Variants in TMEM135 observed in about 807,000 individuals in gnomAD.
TMEM135 encodes the protein peroxisomal membrane protein 52.
Under a neutral mutation model 60.3 loss-of-function variants are expected in TMEM135, and 30 were observed. The ratio of observed to expected loss-of-function variants is 0.50; its 90% CI spans 0.37 to 0.68. The LOEUF is 0.68. Among genes scored for constraint, TMEM135 ranks in the 30% least tolerant of loss-of-function variants. TMEM135 has a pLI of 0.00. For synonymous variants in TMEM135, 190 were observed against 186.7 expected (o/e 1.02, Z -0.14); for missense variants, 468 against 548.8 (o/e 0.85, Z 1.47).
At chr11:87,257,594 T>C (rs1445819581) in intron 6 of TMEM135, among the ~76,000 whole-genome samples, 3 of 152,194 alleles carry the variant, frequency 2.0e-5, no homozygotes, top group Admixed American at 6.5e-5. Context: ...ACTCAATAAA[T>C]GTTAGTTGTT....
chr11:87,140,219 C>A (rs1450392658), intron 4 of TMEM135, among the ~76,000 whole-genome samples: 1 of 152,040 alleles, frequency 6.6e-6, no homozygotes, highest in Non-Finnish European at 1.5e-5. Context: ...AGGTGCATGC[C>A]ACCACGCCCG....
chr11:87,326,027 G>C lies in TMEM135; in HGVS notation c.*4694G>C, dbSNP rs1289282511. ...ATCTGGTCACCAACAGGGACATCAG[G>C]GCCAAGAGCAGTTTATACTTCTTTC... On this transcript the variant is annotated 3_prime_UTR_variant, in exon 15 of 15. Coordinates refer to ENST00000305494, the MANE Select transcript of TMEM135 (RefSeq NM_022918.4). 1 of 453,544 alleles carries C rather than the reference G, an allele frequency of 2.2e-6. No homozygotes were observed. The highest frequency in any genetic ancestry group is 4.4e-6 in the Non-Finnish European group (1 of 226,722). 28.1% of individuals were successfully genotyped at this position (453,544 alleles called of 1,614,324 possible).
chr11:87,141,195 A>C (rs924063085), intron 4 of TMEM135, among the ~76,000 whole-genome samples: 1 of 152,048 alleles, frequency 6.6e-6, no homozygotes, highest in Non-Finnish European at 1.5e-5. Flanking sequence ...AGATTTGATA[A>C]TATTAAATCT....
chr11:87,246,063 T>C (rs533269063), intron 6 of TMEM135, among the ~76,000 whole-genome samples: 54 of 145,688 alleles, frequency 3.7e-4, no homozygotes, highest in African/African-American at 1.3e-3. Flanking sequence ...ACAAAATCTC[T>C]CGGCATTTGC....
intron 5 of TMEM135, among the ~76,000 whole-genome samples, chr11:87,163,566 C>T (rs2135276669): frequency 6.6e-6 from 1 of 152,190 alleles, no homozygotes; most frequent in African/African-American, 2.4e-5. Flanking sequence ...AATGGGATGG[C>T]TGGGTCAAAT....
chr11:87,061,023 T>G (rs1342451570), intron 1 of TMEM135, among the ~76,000 whole-genome samples: 1 of 152,086 alleles, frequency 6.6e-6, no homozygotes, highest in Non-Finnish European at 1.5e-5. Context: ...GAGATTGAAA[T>G]CTAAAGAGCA....
intron 3 of TMEM135, among the ~76,000 whole-genome samples, chr11:87,079,917 C>T (rs1260581955): frequency 6.8e-6 from 1 of 147,106 alleles, no homozygotes; most frequent in Non-Finnish European, 1.5e-5. Context: ...TCTCGGCTCA[C>T]TGCAACCTCT....
chr11:87,039,398 C>G (rs772698496), intron 1 of TMEM135, among the ~76,000 whole-genome samples: 16 of 152,134 alleles, frequency 1.1e-4, no homozygotes, highest in Non-Finnish European at 1.2e-4. Context: ...GCTTTCCTAA[C>G]AAACTCGTGG....
chr11:87,308,411 T>A (rs1387343320), intron 9 of TMEM135, among the ~76,000 whole-genome samples: 1 of 152,218 alleles, frequency 6.6e-6, no homozygotes, highest in African/African-American at 2.4e-5. Context: ...GCTTGAGAAT[T>A]CACAGTAATT....
At chr11:87,084,655 C>T (rs556036016) in intron 3 of TMEM135, among the ~76,000 whole-genome samples, 10 of 152,158 alleles carry the variant, frequency 6.6e-5, no homozygotes, top group Admixed American at 2.0e-4. Context: ...AGTTGTATGC[C>T]GCAACTTTGA....
chr11:87,037,937 C>G lies in TMEM135; in HGVS notation c.-109C>G, dbSNP rs951947844. 10 of 1,524,356 alleles carry G rather than the reference C, an allele frequency of 6.6e-6. No homozygotes were observed. The highest frequency in any genetic ancestry group is 2.3e-5 in the East Asian group (1 of 44,382). The allele number at this position is 1,524,356 out of a possible 1,614,324, so 94.4% of individuals were successfully genotyped here. On this transcript the variant is annotated 5_prime_UTR_variant, in exon 1 of 15. Transcript: ENST00000305494. The stretch of plus-strand genomic sequence containing the variant: ...GCTCTCGTGACCTTTCCCCTCCATT[C>G]CGCACCTCCGAGTGCTGGCCGGGCG...
intron 6 of TMEM135, among the ~76,000 whole-genome samples, chr11:87,293,576 G>T (rs1942302985): frequency 6.6e-6 from 1 of 152,056 alleles, no homozygotes; most frequent in African/African-American, 2.4e-5. Context: ...TGTTCTCAAT[G>T]TTCAACTCCT....
intron 4 of TMEM135, among the ~76,000 whole-genome samples, chr11:87,142,219 C>A (rs1938280964): frequency 6.6e-6 from 1 of 152,136 alleles, no homozygotes; most frequent in African/African-American, 2.4e-5. Flanking sequence ...AAAATGCCTG[C>A]TGTCTTGGTA....
In TMEM135 at chr11:87,323,837, AAGT is replaced by A. The variant is rs1942869876; in HGVS notation, c.*2506_*2508del. The A allele has an allele frequency of 4.4e-6, 2 of 452,394 alleles. No homozygotes were observed. Among genetic ancestry groups the A allele is most frequent in the Non-Finnish European group, 4.4e-6 (1 of 226,452 alleles). 28.0% of individuals were successfully genotyped at this position (452,394 alleles called of 1,614,324 possible). A position where few individuals can be genotyped will look rare whatever the true frequency, so the allele number is the denominator to read the frequency against. On this transcript the variant is annotated 3_prime_UTR_variant, in exon 15 of 15. Transcript: ENST00000305494. ...GGATCCATTTTATTACTCATTTTTG[AAGT>A]AACACCTTTGGTTTAGTTTTATTTT...
intron 5 of TMEM135, among the ~76,000 whole-genome samples, chr11:87,163,934 A>G (rs1474471316): frequency 6.7e-6 from 1 of 148,568 alleles, no homozygotes; most frequent in Non-Finnish European, 1.5e-5. Context: ...GATTCTGGAT[A>G]TTAGCCCTTT....
chr11:87,189,099 G>T (rs79901360), intron 5 of TMEM135, among the ~76,000 whole-genome samples: 19,743 of 142,392 alleles, frequency 0.14, 1,363 homozygotes, highest in Non-Finnish European at 0.15. Context: ...TTCCTTTTCC[G>T]TTTCCCTTTT....
intron 4 of TMEM135, among the ~76,000 whole-genome samples, chr11:87,153,561 C>CGT: frequency 6.6e-6 from 1 of 152,296 alleles, no homozygotes; most frequent in Middle Eastern, 3.4e-3. Flanking sequence ...TTGATTTACT[C>CGT]TATTTAAAAT....
intron 5 of TMEM135, among the ~76,000 whole-genome samples, chr11:87,199,307 G>T (rs1002965705): frequency 2.0e-5 from 3 of 152,176 alleles, no homozygotes; most frequent in Admixed American, 6.5e-5. Flanking sequence ...GTGTTAAGAG[G>T]ATGGAAACCT....
At chr11:87,319,525 C>A in intron 14 of TMEM135, 148 bp downstream of exon 14, 2 of 640,040 alleles carry the variant, frequency 3.1e-6, no homozygotes, top group South Asian at 2.0e-5. Context: ...TTTGAGTGAG[C>A]ATTATTCTGA....
Sources: allele counts gnomAD v4.1 joint callset (sites outside exome capture counted in the v4.1 genomes callset), GRCh38; gene constraint gnomAD v4.1.1; transcripts MANE v1.5; gene names NCBI Gene and HGNC (gene_info 2026-07-23, HGNC 2026-07-21).